The following HHAT variants were observed in gnomAD, a reference collection of about 807,000 sequenced individuals.
HHAT encodes hedgehog acyltransferase, also known as protein-cysteine N-palmitoyltransferase HHAT.
A neutral mutation model predicts 70.8 loss-of-function variants in HHAT; 47 were observed. That is an observed-to-expected ratio of 0.66 (90% CI 0.53 to 0.85). The LOEUF (loss-of-function observed/expected upper bound fraction) is 0.85, where lower values mean the gene tolerates loss of function less well. HHAT is among the 40% of genes least tolerant of loss of function. HHAT has a pLI of 0.00. For synonymous variants in HHAT, 228 were observed against 247.6 expected, an observed-to-expected ratio of 0.92 and a Z score of 0.74; for missense variants, 609 against 604.8, an observed-to-expected ratio of 1.01 and a Z score of -0.07.
chr1:210,663,670 G>T (rs1175770403), intron 11 of HHAT, among the ~76,000 whole-genome samples: 14 of 152,182 alleles, frequency 9.2e-5, no homozygotes, highest in Admixed American at 6.5e-4. Context: ...TCCCCCTGCA[G>T]ATTCCCCTAC....
rs147340479 is a variant in HHAT, at chr1:210,530,112, C to A, written c.1043+16924C>A. 1.3e-3 allele frequency among the ~76,000 whole-genome samples: 201 copies of A among 152,138 alleles called. 2 individuals are homozygous for A. The highest frequency in any genetic ancestry group is 4.6e-3 in the African/African-American group (193 of 41,506). ...TGTTTCTGCTATGATGCAGGGTATA[C>A]AAACTTGGAAAAGCTCAGGTTATGT... On this transcript the variant is annotated intron_variant, in intron 9 of 11. Transcript: ENST00000261458.
At chr1:210,357,168 G>A (rs2087723983) in intron 2 of HHAT, among the ~76,000 whole-genome samples, 1 of 152,158 alleles carries the variant, frequency 6.6e-6, no homozygotes, top group African/African-American at 2.4e-5. Context: ...AAGTCTTGTA[G>A]CCTATCCCTT....
At chr1:210,397,698 A>G (rs2091867886) in intron 4 of HHAT, among the ~76,000 whole-genome samples, 1 of 152,206 alleles carries the variant, frequency 6.6e-6, no homozygotes, top group East Asian at 1.9e-4. Context: ...TGGATGGGAC[A>G]GGGCTATCTT....
At chr1:210,363,047 C>T (rs899832001) in intron 3 of HHAT, 128 bp downstream of exon 3, 17 of 775,268 alleles carry the variant, frequency 2.2e-5, no homozygotes, top group African/African-American at 1.4e-4. Context: ...CCCTTTTTGC[C>T]GTAAAGGTGT....
intron 11 of HHAT, among the ~76,000 whole-genome samples, chr1:210,670,360 G>A (rs1679829976): frequency 6.6e-6 from 1 of 152,214 alleles, no homozygotes; most frequent in South Asian, 2.1e-4. Flanking sequence ...AAGGGCTTGT[G>A]AAGTAGTTGG....
intron 8 of HHAT, among the ~76,000 whole-genome samples, chr1:210,483,567 G>A (rs951744849): frequency 6.6e-6 from 1 of 151,968 alleles, no homozygotes; most frequent in South Asian, 2.1e-4. Flanking sequence ...GTAAGGGAGG[G>A]TGATGTGAAA....
intron 3 of HHAT, among the ~76,000 whole-genome samples, chr1:210,385,785 T>C (rs2091000714): frequency 6.6e-6 from 1 of 152,266 alleles, no homozygotes; most frequent in South Asian, 2.1e-4. Flanking sequence ...TAGCAGTTAG[T>C]AGCGGGTACT....
chr1:210,586,361 G>A (rs899492616), intron 9 of HHAT, among the ~76,000 whole-genome samples: 17 of 152,262 alleles, frequency 1.1e-4, no homozygotes, highest in African/African-American at 3.9e-4. Flanking sequence ...GATTATCTGA[G>A]TTCAGGAGTT....
chr1:210,622,679 G>A (rs1573809745), intron 10 of HHAT, among the ~76,000 whole-genome samples: 1 of 152,174 alleles, frequency 6.6e-6, no homozygotes, highest in Non-Finnish European at 1.5e-5. Context: ...GGTGAAGTGT[G>A]GGCCTGAGCT....
At chr1:210,633,990 T>C (rs1002266011) in intron 11 of HHAT, among the ~76,000 whole-genome samples, 2 of 152,182 alleles carry the variant, frequency 1.3e-5, no homozygotes, top group South Asian at 2.1e-4. Flanking sequence ...AAAAAAAATA[T>C]TTTTTGGTTA....
At chr1:210,612,464 G>A (rs1666798757) in intron 10 of HHAT, among the ~76,000 whole-genome samples, 1 of 152,110 alleles carries the variant, frequency 6.6e-6, no homozygotes, top group Admixed American at 6.5e-5. Flanking sequence ...GTTCATTCAT[G>A]TTGTGGCATA....
chr1:210,473,412 C>T (rs79050752), intron 8 of HHAT, among the ~76,000 whole-genome samples: 14,954 of 152,106 alleles, frequency 0.098, 826 homozygotes, highest in African/African-American at 0.13. Flanking sequence ...ACTTTTGAAT[C>T]CCCTTAGCCA....
chr1:210,623,176 A>G (rs1477419078), intron 10 of HHAT, among the ~76,000 whole-genome samples: 1 of 152,136 alleles, frequency 6.6e-6, no homozygotes, highest in Admixed American at 6.5e-5. Flanking sequence ...GGCTGAAGCA[A>G]TCCTCCCACC....
At chr1:210,662,239 TC>T (rs1052341815) in intron 11 of HHAT, among the ~76,000 whole-genome samples, 2 of 152,148 alleles carry the variant, frequency 1.3e-5, no homozygotes, top group African/African-American at 4.8e-5. Context: ...GGTGGCACCT[TC>T]ACATAAGGCC....
chr1:210,418,398 T>TG (rs3215542), intron 7 of HHAT, 73 bp downstream of exon 7: 17 of 1,364,340 alleles, frequency 1.2e-5, no homozygotes, highest in Non-Finnish European at 1.7e-5. Flanking sequence ...GGAGCTGGAG[T>TG]GGGGGGTGAG....
At chr1:210,470,149 C>G (rs2094178155) in intron 8 of HHAT, among the ~76,000 whole-genome samples, 1 of 152,066 alleles carries the variant, frequency 6.6e-6, no homozygotes, top group Non-Finnish European at 1.5e-5. Context: ...CCAGACCCAC[C>G]ATTTGTTTGT....
chr1:210,543,013 G>T (rs1293956375), intron 9 of HHAT, among the ~76,000 whole-genome samples: 1 of 152,146 alleles, frequency 6.6e-6, no homozygotes. Flanking sequence ...GCATCATGGG[G>T]AGAACTGCAT....
At chr1:210,470,768 CA>C (rs1436968514) in intron 8 of HHAT, among the ~76,000 whole-genome samples, 3 of 152,140 alleles carry the variant, frequency 2.0e-5, no homozygotes, top group Non-Finnish European at 4.4e-5. Context: ...GTCACCAGAA[CA>C]TAGTGTTTGA....
rs139095844 is a variant in HHAT, at chr1:210,615,455, G to A, written c.1246-8071G>A. 5.2e-3 allele frequency among the ~76,000 whole-genome samples: 793 copies of A among 152,266 alleles called. 11 individuals carry two copies. Among genetic ancestry groups the A allele is most frequent in the African/African-American group, 0.018 (741 of 41,530 alleles). On this transcript the variant is annotated intron_variant, in intron 10 of 11. Transcript: ENST00000261458. Reference sequence around the variant, plus strand: ...TCTCAACTCATCAAATTCATTCTCCGTCCAGCTTTGTTCCATTGCTGGTGA... The same window carrying A: ...TCTCAACTCATCAAATTCATTCTCCATCCAGCTTTGTTCCATTGCTGGTGA...
Sources: allele counts gnomAD v4.1 joint callset (sites outside exome capture counted in the v4.1 genomes callset), GRCh38; gene constraint gnomAD v4.1.1; transcripts MANE v1.5; gene names NCBI Gene and HGNC (gene_info 2026-07-23, HGNC 2026-07-21).